Variants in ODAD2 observed in about 807,000 individuals in gnomAD.
ODAD2 encodes the protein outer dynein arm docking complex subunit 2, also known as outer dynein arm-docking complex subunit 2.
Under a neutral mutation model 106.8 loss-of-function variants are expected in ODAD2, and 89 were observed. The observed-to-expected ratio is 0.83, with a 90% CI of 0.70 to 0.99. The LOEUF is 0.99. Among genes scored for constraint, ODAD2 ranks in the 50% least tolerant of loss-of-function variants. ODAD2 has a pLI of 0.00. For synonymous variants in ODAD2, 404 were observed against 436.2 expected (o/e 0.93, Z 0.92); for missense variants, 1,168 against 1,238.5 (o/e 0.94, Z 0.85).
At chr10:27,936,295 A>G (rs186699360) in intron 15 of ODAD2, among the ~76,000 whole-genome samples, 1 of 152,294 alleles carries the variant, frequency 6.6e-6, no homozygotes, top group East Asian at 1.9e-4. Context: ...GAAAATGACC[A>G]CTCTTTAAAG....
intron 14 of ODAD2, among the ~76,000 whole-genome samples, chr10:27,939,022 A>C (rs1272186100): frequency 6.6e-6 from 1 of 152,134 alleles, no homozygotes; most frequent in African/African-American, 2.4e-5. Flanking sequence ...TACTTTGTCA[A>C]GGCCATTTTT....
At chr10:27,976,247 G>C (rs1342665707) in intron 7 of ODAD2, among the ~76,000 whole-genome samples, 13 of 151,688 alleles carry the variant, frequency 8.6e-5, no homozygotes, top group Non-Finnish European at 4.4e-5. Context: ...AGTGCATTAA[G>C]GAAATAAAAA....
At position 27,944,443 on chromosome 10, in the gene ODAD2, A is replaced by G. The variant is rs760820385; in HGVS notation, c.1534-12T>C. The G allele has an allele frequency of 1.2e-4, 200 of 1,607,230 alleles. No individual in the cohort carries two copies. The highest frequency in any genetic ancestry group is 1.6e-4 in the Non-Finnish European group (186 of 1,174,012). ...TTTAATGAACCAATCTGTGTGAGAA[A>G]AAAAAAGATGAGTGGCGAATATGTA... is the stretch of plus-strand genomic sequence containing the variant. On this transcript the variant is annotated splice_polypyrimidine_tract_variant and intron_variant, in intron 11 of 19. Transcript: ENST00000305242.
intron 19 of ODAD2, among the ~76,000 whole-genome samples, chr10:27,847,992 T>C (rs372577934): frequency 2.0e-5 from 3 of 152,224 alleles, no homozygotes; most frequent in Non-Finnish European, 2.9e-5. Flanking sequence ...AATGGCCATA[T>C]TGCCCAAGGT....
chr10:27,875,732 C>T (rs974301040), intron 17 of ODAD2, among the ~76,000 whole-genome samples: 4 of 152,222 alleles, frequency 2.6e-5, no homozygotes, highest in Non-Finnish European at 2.9e-5. Flanking sequence ...GAGCATGAGC[C>T]AAAGCAGGGC....
At chr10:27,955,672 C>T (rs1407771455) in intron 10 of ODAD2, among the ~76,000 whole-genome samples, 4 of 150,620 alleles carry the variant, frequency 2.7e-5, no homozygotes, top group Non-Finnish European at 5.9e-5. Flanking sequence ...AATTACCACT[C>T]GAAAGAACTC....
At chr10:27,990,045 C>CT (rs1850124946) in intron 2 of ODAD2, among the ~76,000 whole-genome samples, 1 of 152,098 alleles carries the variant, frequency 6.6e-6, no homozygotes, top group African/African-American at 2.4e-5. Context: ...GATGGAGAAA[C>CT]TTTTAAACCA....
chr10:27,980,928 G>T (rs1256573068), intron 7 of ODAD2, among the ~76,000 whole-genome samples: 2 of 152,144 alleles, frequency 1.3e-5, no homozygotes, highest in Non-Finnish European at 2.9e-5. Context: ...CAACCCAAGT[G>T]TCCATCAAGG....
chr10:27,885,500 A>C (rs1842013332), intron 17 of ODAD2, among the ~76,000 whole-genome samples: 1 of 62,550 alleles, frequency 1.6e-5, no homozygotes, highest in Non-Finnish European at 3.0e-5. Flanking sequence ...ACAGAGTGAG[A>C]CTCCATCTCA....
chr10:27,946,766 T>G (rs753646198), intron 10 of ODAD2, among the ~76,000 whole-genome samples: 44 of 152,300 alleles, frequency 2.9e-4, no homozygotes, highest in Non-Finnish European at 6.2e-4. Context: ...TTATGACACA[T>G]GTACACATAT....
intron 17 of ODAD2, among the ~76,000 whole-genome samples, chr10:27,886,165 A>G (rs2133646879): frequency 6.6e-6 from 1 of 151,626 alleles, no homozygotes; most frequent in East Asian, 1.9e-4. Flanking sequence ...AGATATACAA[A>G]TCCAATAATT....
chr10:27,944,044 G>GACACT (rs927653055), intron 12 of ODAD2, among the ~76,000 whole-genome samples, 178 bp downstream of exon 12: 3 of 151,928 alleles, frequency 2.0e-5, no homozygotes, highest in African/African-American at 7.3e-5. Flanking sequence ...TTTTGTTTTG[G>GACACT]ACACTCACTA....
chr10:27,850,141 G>A (rs1217861394), intron 19 of ODAD2, among the ~76,000 whole-genome samples: 1 of 152,136 alleles, frequency 6.6e-6, no homozygotes, highest in East Asian at 1.9e-4. Context: ...TCTGCGAACT[G>A]TGTGTTTAAA....
At chr10:27,981,048 T>G (rs940044656) in intron 7 of ODAD2, among the ~76,000 whole-genome samples, 9 of 152,134 alleles carry the variant, frequency 5.9e-5, no homozygotes, top group Non-Finnish European at 1.3e-4. Context: ...GAAAACACTA[T>G]GCTAAGTGAA....
intron 19 of ODAD2, among the ~76,000 whole-genome samples, chr10:27,838,581 G>A (rs1253753711): frequency 6.6e-6 from 1 of 152,210 alleles, no homozygotes; most frequent in African/African-American, 2.4e-5. Context: ...GGAAGGAAAA[G>A]ACATTCCCAG....
chr10:27,959,096 G>T, intron 10 of ODAD2: 1 of 1,018,708 alleles, frequency 9.8e-7, no homozygotes, highest in Non-Finnish European at 1.3e-6. Context: ...CAGCACTTTG[G>T]GAGGCCAATG....
intron 19 of ODAD2, among the ~76,000 whole-genome samples, chr10:27,846,139 C>A (rs1185716909): frequency 2.0e-5 from 3 of 152,176 alleles, no homozygotes; most frequent in Non-Finnish European, 4.4e-5. Context: ...AGCACCACAT[C>A]GTACTTATTC....
At chr10:27,918,747 C>T (rs1334282073) in intron 16 of ODAD2, among the ~76,000 whole-genome samples, 1 of 151,568 alleles carries the variant, frequency 6.6e-6, no homozygotes, top group African/African-American at 2.4e-5. Context: ...GGGAAGTGAA[C>T]TGTCATTATT....
intron 17 of ODAD2, among the ~76,000 whole-genome samples, chr10:27,893,273 A>T (rs1842674212): frequency 6.6e-6 from 1 of 152,252 alleles, no homozygotes; most frequent in Non-Finnish European, 1.5e-5. Context: ...TTCTTAACAC[A>T]TACATCTGAA....
Sources: gnomAD v4.1 joint callset for allele counts (sites outside exome capture counted in the v4.1 genomes callset) on GRCh38, gnomAD v4.1.1 for gene constraint, MANE v1.5 for transcripts, NCBI Gene and HGNC (gene_info 2026-07-23, HGNC 2026-07-21) for gene names.